The following KCNQ1 variants were observed in gnomAD, a reference collection of about 807,000 sequenced individuals.
KCNQ1 encodes potassium voltage-gated channel subfamily Q member 1.
KCNQ1 carries 49 observed loss-of-function variants against 72.4 expected under a neutral mutation model. The observed-to-expected ratio is 0.68, with a 90% CI of 0.54 to 0.86. The LOEUF (loss-of-function observed/expected upper bound fraction) is 0.86. KCNQ1 is among the 40% of genes least tolerant of loss of function. The pLI is 0.00. For missense variants in KCNQ1, 790 were observed against 945.1 expected, an observed-to-expected ratio of 0.84 and a Z score of 2.15; for synonymous variants, 450 against 412.6, an observed-to-expected ratio of 1.09 and a Z score of -1.10.
intron 11 of KCNQ1, chr11:2,689,336 G>A (rs576569005): frequency 5.0e-6 from 2 of 398,692 alleles, no homozygotes; most frequent in African/African-American, 4.1e-5. Flanking sequence ...CCTATCCGCA[G>A]AGCTTGAGGC....
Position 2,750,056 on chromosome 11 carries a change from C to T in KCNQ1, c.1515-18788C>T, listed in dbSNP as rs978189534. 3.3e-5 allele frequency among the ~76,000 whole-genome samples: 5 copies of T among 151,876 alleles called. No individual in the cohort carries two copies. Among genetic ancestry groups the T allele is most frequent in the African/African-American group, 1.2e-4 (5 of 41,338 alleles). ...TGGGGTGAGAGGGAGGGAGTGGGAA[C>T]AGCCAAGAGGCCAGGAAGCGGAGCC... On this transcript the variant is annotated intron_variant, in intron 11 of 15. Coordinates refer to ENST00000155840, the MANE Select transcript of KCNQ1 (RefSeq NM_000218.3). The surrounding 1 kb of genome is among the most constrained non-coding windows in gnomAD (Gnocchi z 6.3).
At chr11:2,503,559 A>T (rs1589916403) in intron 1 of KCNQ1, among the ~76,000 whole-genome samples, 1 of 121,280 alleles carries the variant, frequency 8.2e-6, no homozygotes, top group Non-Finnish European at 1.7e-5. Context: ...GGGAGGGGGG[A>T]GGGATAGCAT....
At chr11:2,622,541 T>TAA (rs1849191664) in intron 10 of KCNQ1, 5 of 398,368 alleles carry the variant, frequency 1.3e-5, no homozygotes. Context: ...GACTTACATT[T>TAA]AAAGTACTTA....
rs1458110194 is a variant in KCNQ1, at chr11:2,669,402, A to G, written c.1514+7321A>G. On this transcript the variant is annotated intron_variant, in intron 11 of 15. Coordinates refer to ENST00000155840, the MANE Select transcript of KCNQ1 (RefSeq NM_000218.3). This position sits in a 1 kb window ranked among gnomAD's most constrained non-coding sequence, Gnocchi z 5.6. ...TTTGGGGCTCCTGAAACATGGCATC[A>G]TGTGTCCCTTGTTTATTTAGGTTGA... 1 of 398,512 alleles carries G rather than the reference A, an allele frequency of 2.5e-6. No individual in the cohort carries two copies. Among genetic ancestry groups the G allele is most frequent in the South Asian group, 1.3e-4 (1 of 7,860 alleles). 24.7% of individuals were successfully genotyped at this position (398,512 alleles called of 1,614,324 possible).
At chr11:2,692,395 T>G in intron 11 of KCNQ1, 2 of 398,794 alleles carry the variant, frequency 5.0e-6, no homozygotes, top group Non-Finnish European at 8.8e-6. Flanking sequence ...CCCATTCCAA[T>G]CAATTATCTA....
chr11:2,792,484 G>C (rs1847046890), intron 15 of KCNQ1, among the ~76,000 whole-genome samples: 1 of 152,226 alleles, frequency 6.6e-6, no homozygotes, highest in Non-Finnish European at 1.5e-5. Flanking sequence ...CCCTCCCTCT[G>C]CCCAAGAGAA....
At chr11:2,449,722 TG>T (rs1846095596) in intron 1 of KCNQ1, among the ~76,000 whole-genome samples, 1 of 152,104 alleles carries the variant, frequency 6.6e-6, no homozygotes, top group African/African-American at 2.4e-5. Context: ...TGACAGGGGT[TG>T]CCAGGCAACT....
intron 1 of KCNQ1, among the ~76,000 whole-genome samples, chr11:2,469,929 G>T (rs1157389667): frequency 1.3e-5 from 2 of 152,154 alleles, no homozygotes; most frequent in African/African-American, 4.8e-5. Flanking sequence ...CAAAGTGCTG[G>T]GATTACAGGC....
Position 2,601,530 on chromosome 11 carries a change from G to A in KCNQ1, c.1393+12676G>A, listed in dbSNP as rs189944234. ...AGTCCAGATGCAGAGTGCTCCCGTC[G>A]CCACGGGGTTCCCATTATTTGTCCT... On this transcript the variant is annotated intron_variant, in intron 10 of 15. Coordinates refer to ENST00000155840, the MANE Select transcript of KCNQ1 (RefSeq NM_000218.3). This position sits in a 1 kb window ranked among gnomAD's most constrained non-coding sequence, Gnocchi z 5.2. Among the ~76,000 whole-genome samples the A allele has an allele frequency of 3.3e-3, 503 of 152,182 alleles. 3 individuals carry two copies. The highest frequency in any genetic ancestry group is 0.012 in the African/African-American group (486 of 41,524).
At position 2,563,256 on chromosome 11, in the gene KCNQ1, G is replaced by A. The variant is rs1414345698; in HGVS notation, c.478-7372G>A. Among the ~76,000 whole-genome samples the A allele has an allele frequency of 1.3e-5, 2 of 152,198 alleles. No individual in the cohort carries two copies. The highest frequency in any genetic ancestry group is 2.9e-5 in the Non-Finnish European group (2 of 68,044). ...AAACAATAGATAAGATGGCCAGGTC[G>A]ACCTTCAGCCTTCTCGGAGAACACC... is the stretch of plus-strand genomic sequence containing the variant. On this transcript the variant is annotated intron_variant, in intron 2 of 15. Transcript: ENST00000155840. The surrounding 1 kb of genome is among the most constrained non-coding windows in gnomAD (Gnocchi z 7.4).
rs536670495 is a variant in KCNQ1 at position 2,816,374 on chromosome 11, G to A, written c.1795-31393G>A. Among the ~76,000 whole-genome samples, 2 of 152,344 alleles carry A rather than the reference G, an allele frequency of 1.3e-5. No individual in the cohort carries two copies. Among genetic ancestry groups the A allele is most frequent in the South Asian group, 2.1e-4 (1 of 4,828 alleles). On this transcript the variant is annotated intron_variant, in intron 15 of 15. Coordinates refer to ENST00000155840, the MANE Select transcript of KCNQ1 (RefSeq NM_000218.3). This position sits in a 1 kb window ranked among gnomAD's most constrained non-coding sequence, Gnocchi z 6.8. The stretch of plus-strand genomic sequence containing the variant: ...GGGGAGAATTTCAAGAGCCTTTTGT[G>A]AAAATGGTCAGGCTGCTGAAAGTGA...
At position 2,703,340 on chromosome 11, in the gene KCNQ1, C is replaced by G. The variant is rs1408489733; in HGVS notation, c.1514+41259C>G. ...ACCTGGTGGCCACTCCCTGAGCTCC[C>G]CACGTGACAGAGGGCAGGTCCCATT... is the stretch of plus-strand genomic sequence containing the variant. On this transcript the variant is annotated intron_variant, in intron 11 of 15. Transcript: ENST00000155840. The surrounding 1 kb of genome is among the most constrained non-coding windows in gnomAD (Gnocchi z 6.4). Among the ~76,000 whole-genome samples the G allele has an allele frequency of 2.0e-5, 3 of 152,190 alleles. No individual in the cohort carries two copies. The highest frequency in any genetic ancestry group is 6.5e-5 in the Admixed American group (1 of 15,286).
At position 2,663,289 on chromosome 11, in the gene KCNQ1, C is replaced by G; in HGVS notation, c.1514+1208C>G. ...GACACCCTGAGAATAGGGCTCTGAG[C>G]TTCTGGGCCCCTCCTGGCTGGGTAA... On this transcript the variant is annotated intron_variant, in intron 11 of 15. Transcript: ENST00000155840. The surrounding 1 kb of genome is among the most constrained non-coding windows in gnomAD (Gnocchi z 5.2). The G allele has an allele frequency of 2.5e-6, 1 of 398,798 alleles. No individual in the cohort carries two copies. The highest frequency in any genetic ancestry group is 4.4e-6 in the Non-Finnish European group (1 of 226,212). 24.7% of individuals were successfully genotyped at this position (398,798 alleles called of 1,614,324 possible).
Position 2,847,950 on chromosome 11 carries a change from C to T in KCNQ1, c.1978C>T (p.Pro660Ser), listed in dbSNP as rs867880610. The change falls in exon 16 of 16, where the codon CCC (proline) becomes TCC (serine). Residue 660 changes from proline to serine, a missense_variant. Pro to Ser is a moderately conservative substitution (Grantham distance 74). Around this residue, in one of 5 missense-constraint regions of KCNQ1, gnomAD observed 94 missense variants for 85.2 expected, o/e 1.10. Coordinates refer to ENST00000155840, the MANE Select transcript of KCNQ1 (RefSeq NM_000218.3). ...PELFLPSNTL[P>S]TYEQLTVPRR... ...GCTCTTCCTGCCCAGCAACACCCTG[C>T]CCACCTACGAGCAGCTGACCGTGCC... 2.5e-6 allele frequency: 4 copies of T among 1,570,210 alleles called. No homozygotes were observed. In the Admixed American group the frequency reaches 5.5e-5, roughly 22 times the overall value.
intron 11 of KCNQ1, among the ~76,000 whole-genome samples, chr11:2,722,611 AG>A (rs1353966011): frequency 6.6e-6 from 1 of 152,130 alleles, no homozygotes; most frequent in African/African-American, 2.4e-5. Context: ...TGGAGGTCCT[AG>A]GGGAGCTGAT....
In KCNQ1 at chr11:2,458,395, C is replaced by A. The variant is rs1846225931; in HGVS notation, c.386+12911C>A. 6.6e-6 allele frequency among the ~76,000 whole-genome samples: 1 copy of A among 152,190 alleles called. No homozygotes were observed. The highest frequency in any genetic ancestry group is 1.5e-5 in the Non-Finnish European group (1 of 68,042). On this transcript the variant is annotated intron_variant, in intron 1 of 15. Transcript: ENST00000155840. This position sits in a 1 kb window ranked among gnomAD's most constrained non-coding sequence, Gnocchi z 4.6. ...AACGGAGAGAATCTGACATGTGTCC[C>A]AGTCGTGATTAACCTGTGAACTGTA... is the stretch of plus-strand genomic sequence containing the variant.
chr11:2,825,066 G>A (rs1847812226), intron 15 of KCNQ1, among the ~76,000 whole-genome samples: 2 of 152,240 alleles, frequency 1.3e-5, no homozygotes, highest in African/African-American at 4.8e-5. Flanking sequence ...GGCTGGTGCA[G>A]GAGGCGCAGT....
At chr11:2,694,320 C>T (rs1850637121) in intron 11 of KCNQ1, 1 of 398,674 alleles carries the variant, frequency 2.5e-6, no homozygotes, top group Non-Finnish European at 4.4e-6. Flanking sequence ...AAGTGGTTGT[C>T]ATCTGCGGTG....
intron 11 of KCNQ1, chr11:2,666,183 C>T (rs555575791): frequency 4.3e-5 from 17 of 398,592 alleles, no homozygotes; most frequent in Middle Eastern, 6.3e-4. Flanking sequence ...TAACAGATAC[C>T]GCCCTCAGTC....
Sources: allele counts gnomAD v4.1 joint callset (sites outside exome capture counted in the v4.1 genomes callset), GRCh38; gene constraint gnomAD v4.1.1; regional missense constraint gnomAD v4.1.1; non-coding constraint Gnocchi (gnomAD v3.1); transcripts MANE v1.5; gene names NCBI Gene and HGNC (gene_info 2026-07-23, HGNC 2026-07-21).